Variants in AATF observed in about 807,000 individuals in gnomAD.
AATF encodes protein AATF.
Under a neutral mutation model 63.7 loss-of-function variants are expected in AATF, and 48 were observed. The observed-to-expected ratio is 0.75, with a 90% CI of 0.60 to 0.96. AATF has a LOEUF of 0.96. AATF is among the 40% of genes least tolerant of loss of function. The pLI, the probability that AATF is intolerant of heterozygous loss-of-function variation, is 0.00. For missense variants in AATF, 639 were observed against 685.7 expected, an observed-to-expected ratio of 0.93 and a Z score of 0.76; for synonymous variants, 258 against 247.7, an observed-to-expected ratio of 1.04 and a Z score of -0.39.
intron 4 of AATF, among the ~76,000 whole-genome samples, chr17:36,961,789 C>T (rs2070949484): frequency 6.6e-6 from 1 of 152,106 alleles, no homozygotes; most frequent in Non-Finnish European, 1.5e-5. Flanking sequence ...ATTCTCCTGC[C>T]TCAGCCTCCT....
At chr17:36,992,376 A>G (rs138188387) in intron 8 of AATF, among the ~76,000 whole-genome samples, 1,579 of 152,162 alleles carry the variant, frequency 0.01, 18 homozygotes, top group Middle Eastern at 0.031. Context: ...TATTATATTC[A>G]TTTGTCAGAA....
intron 5 of AATF, 74 bp from the exon 6 acceptor site, chr17:36,988,445 T>TA (rs2071185926): frequency 6.9e-7 from 1 of 1,439,156 alleles, no homozygotes; most frequent in African/African-American, 1.4e-5. Context: ...TCTCAGTCCT[T>TA]TATGTGAGCC....
chr17:37,022,054 A>G (rs2071475911), intron 10 of AATF, among the ~76,000 whole-genome samples: 1 of 152,112 alleles, frequency 6.6e-6, no homozygotes, highest in African/African-American at 2.4e-5. Context: ...AAGGGTACAG[A>G]TAAAAGAAGG....
At chr17:37,013,969 T>A (rs552409993) in intron 8 of AATF, among the ~76,000 whole-genome samples, 49 of 152,258 alleles carry the variant, frequency 3.2e-4, no homozygotes, top group African/African-American at 1.2e-3. Flanking sequence ...TCTTCTGGCG[T>A]GGCTGCACAC....
chr17:36,955,203 G>C (rs2070889661), intron 4 of AATF, among the ~76,000 whole-genome samples: 1 of 152,194 alleles, frequency 6.6e-6, no homozygotes, highest in Non-Finnish European at 1.5e-5. Flanking sequence ...TTTGGCATCT[G>C]CCTGTAGGTA....
chr17:36,960,460 A>G (rs1371760285), intron 4 of AATF, among the ~76,000 whole-genome samples: 1 of 152,204 alleles, frequency 6.6e-6, no homozygotes, highest in Non-Finnish European at 1.5e-5. Context: ...TAGGCAGTAC[A>G]TTCACATAGT....
Position 36,989,344 on chromosome 17 carries a change from T to C in AATF, c.1247T>C (p.Val416Ala), listed in dbSNP as rs1207741296. 8 of 1,613,962 alleles carry C rather than the reference T, an allele frequency of 5.0e-6. No homozygotes were observed. The highest frequency in any genetic ancestry group is 6.8e-6 in the Non-Finnish European group (8 of 1,180,006). ...CGAAGGACACAGACCAAGCGCTCTG[T>C]CTATCGAGTTCTTGGCAAACCTGAG... is the stretch of plus-strand genomic sequence containing the variant. Reference protein sequence around the residue: ...LLRRTQTKRSVYRVLGKPEPA... With the variant: ...LLRRTQTKRSAYRVLGKPEPA... Residue 416 changes from valine (V) to alanine (A), a missense_variant, in exon 7 of 12, where the codon GTC becomes GCC. Physicochemically the swap from Val to Ala is moderately conservative, Grantham distance 64. Transcript: ENST00000619387.
chr17:37,044,384 C>A (rs984523216), intron 11 of AATF, among the ~76,000 whole-genome samples: 8 of 152,150 alleles, frequency 5.3e-5, no homozygotes, highest in Non-Finnish European at 8.8e-5. Context: ...ATGAAAGGTT[C>A]TCCTCTGGGA....
At chr17:36,968,435 TA>T (rs1305855006) in intron 4 of AATF, among the ~76,000 whole-genome samples, 1 of 151,444 alleles carries the variant, frequency 6.6e-6, no homozygotes, top group Non-Finnish European at 1.5e-5. Flanking sequence ...CCACCACGCC[TA>T]ACTAATTCTT....
At chr17:37,007,986 C>G (rs2071355011) in intron 8 of AATF, among the ~76,000 whole-genome samples, 1 of 152,182 alleles carries the variant, frequency 6.6e-6, no homozygotes, top group South Asian at 2.1e-4. Context: ...AAATGTATGA[C>G]TTACCATTTT....
chr17:37,000,591 G>A (rs981695421), intron 8 of AATF, among the ~76,000 whole-genome samples: 1 of 152,144 alleles, frequency 6.6e-6, no homozygotes, highest in Non-Finnish European at 1.5e-5. Context: ...TGGAGTTCAT[G>A]GGAAGGTCCA....
chr17:36,953,808 C>T lies in AATF; in HGVS notation c.733C>T (p.Gln245Ter). 6.2e-7 allele frequency: 1 copy of T among 1,614,114 alleles called. No homozygotes were observed. Among genetic ancestry groups the T allele is most frequent in the Middle Eastern group, 1.6e-4 (1 of 6,062 alleles). ...DQLLEGRIKLQKALLTTNQLP... is the reference protein window; with the variant it reads ...DQLLEGRIKL Reference sequence around the variant, plus strand: ...GCTCTTGGAAGGAAGGATCAAACTACAAAAAGCTCTGTTGACCACCAACCA... The same window carrying T: ...GCTCTTGGAAGGAAGGATCAAACTATAAAAAGCTCTGTTGACCACCAACCA... The change falls in exon 4 of 12, where the codon CAA becomes TAA. Residue 245 changes from glutamine (Q) to a stop codon, truncating the protein, a stop_gained. Coordinates refer to ENST00000619387, the MANE Select transcript of AATF (RefSeq NM_012138.4). LOFTEE classifies it high-confidence loss of function.
At chr17:37,009,646 T>A (rs1178244240) in intron 8 of AATF, among the ~76,000 whole-genome samples, 1 of 147,206 alleles carries the variant, frequency 6.8e-6, no homozygotes, top group Non-Finnish European at 1.5e-5. Flanking sequence ...TGAAACCCCG[T>A]CTCTACTAAA....
intron 4 of AATF, among the ~76,000 whole-genome samples, chr17:36,969,536 T>C (rs961080218): frequency 1.3e-5 from 2 of 152,252 alleles, no homozygotes; most frequent in Admixed American, 6.5e-5. Flanking sequence ...CTGAGTCCTC[T>C]GCATTCTGTT....
chr17:37,003,169 A>G (rs995207751), intron 8 of AATF, among the ~76,000 whole-genome samples: 2 of 152,166 alleles, frequency 1.3e-5, no homozygotes, highest in African/African-American at 2.4e-5. Flanking sequence ...TTGATTTTCA[A>G]CAGGAGTACC....
chr17:37,018,153 G>T (rs1386725209), intron 8 of AATF, among the ~76,000 whole-genome samples: 2 of 152,110 alleles, frequency 1.3e-5, no homozygotes, highest in Admixed American at 6.6e-5. Flanking sequence ...GTAATTCAGG[G>T]TTTTTCTCCC....
At position 37,037,832 on chromosome 17, in the gene AATF, C is replaced by T. The variant is rs113497232; in HGVS notation, c.1619+6147C>T. Among the ~76,000 whole-genome samples, 926 of 152,264 alleles carry T rather than the reference C, an allele frequency of 6.1e-3. 8 individuals are homozygous for T. The highest frequency in any genetic ancestry group is 0.01 in the Non-Finnish European group (701 of 68,020). On this transcript the variant is annotated intron_variant, in intron 11 of 11. Transcript: ENST00000619387. ...TGGATTTCTCATCAGTGGTTTAGCA[C>T]CATTCCCGTGGTGCTGTCCTCATAA...
At chr17:37,005,914 AC>A (rs2071337671) in intron 8 of AATF, among the ~76,000 whole-genome samples, 1 of 152,032 alleles carries the variant, frequency 6.6e-6, no homozygotes, top group Non-Finnish European at 1.5e-5. Flanking sequence ...GATTGCTTGA[AC>A]CCAGGAGCTT....
In AATF at chr17:36,950,316, T is replaced by G. The variant is rs143527398; in HGVS notation, c.194T>G (p.Leu65Trp). 41 of 1,614,002 alleles carry G rather than the reference T, an allele frequency of 2.5e-5. No homozygotes were observed. The African/African-American group carries it at 4.7e-4, about 18-fold the overall frequency. Residue 65 changes from leucine (L) to tryptophan (W), a missense_variant, in exon 2 of 12, where the codon TTG (leucine) becomes TGG (tryptophan). Transcript: ENST00000619387. ...AGAAAACTGGCATCAGCCTCCCTCT[T>G]GGACACGGACAAAAGGTATTGCGGC... ...SIRKLASASLLDTDKRYCGKT... is the reference protein window; with the variant it reads ...SIRKLASASLWDTDKRYCGKT...
Sources: gnomAD v4.1 joint callset for allele counts (sites outside exome capture counted in the v4.1 genomes callset) on GRCh38, gnomAD v4.1.1 for gene constraint, MANE v1.5 for transcripts, NCBI Gene and HGNC (gene_info 2026-07-23, HGNC 2026-07-21) for gene names.